Variants in NRG3 observed in about 807,000 individuals in gnomAD.
NRG3 encodes neuregulin 3, also known as pro-neuregulin-3, membrane-bound isoform.
In NRG3, 31 loss-of-function variants were observed where a neutral mutation model predicts 66.9. The observed-to-expected ratio is 0.46, with a 90% CI of 0.35 to 0.63. NRG3 has a LOEUF of 0.63. Ranked by LOEUF, NRG3 falls within the 20% of genes least tolerant of loss-of-function variation. The pLI is 0.00. For synonymous variants in NRG3, 393 were observed against 359.4 expected (o/e 1.09, Z -1.06); for missense variants, 910 against 878.9 (o/e 1.04, Z -0.45).
At chr10:82,399,528 T>G (rs1006807200) in intron 2 of NRG3, among the ~76,000 whole-genome samples, 1 of 152,186 alleles carries the variant, frequency 6.6e-6, no homozygotes, top group African/African-American at 2.4e-5. Flanking sequence ...ATCCCTGAGA[T>G]CAGGGTGCCT....
chr10:81,895,138 T>C (rs1257688655), intron 1 of NRG3, among the ~76,000 whole-genome samples: 2 of 152,122 alleles, frequency 1.3e-5, no homozygotes, highest in Non-Finnish European at 2.9e-5. Flanking sequence ...GGGCTACACA[T>C]GCCTTTCCCT....
chr10:82,679,347 C>A (rs903322483), intron 2 of NRG3, among the ~76,000 whole-genome samples: 2 of 152,002 alleles, frequency 1.3e-5, no homozygotes, highest in African/African-American at 4.8e-5. Flanking sequence ...AAATTCCATA[C>A]AAAAAACAAG....
chr10:82,420,899 T>A (rs945228281), intron 2 of NRG3, among the ~76,000 whole-genome samples: 1 of 152,152 alleles, frequency 6.6e-6, no homozygotes, highest in Non-Finnish European at 1.5e-5. Context: ...TGTAGCTAGA[T>A]TAAATACTTT....
intron 1 of NRG3, among the ~76,000 whole-genome samples, chr10:81,996,516 A>G (rs980147206): frequency 1.9e-4 from 29 of 152,150 alleles, no homozygotes; most frequent in African/African-American, 6.3e-4. Context: ...CTAGTATAAG[A>G]TATTTACATA....
rs201919892 is a variant in NRG3, at chr10:82,920,875, TA to T, written c.1055-30588del. Among the ~76,000 whole-genome samples the T allele has an allele frequency of 5.1e-3, 769 of 152,194 alleles. 6 individuals carry two copies. Among genetic ancestry groups the T allele is most frequent in the African/African-American group, 0.018 (728 of 41,520 alleles). ...GGAAATCCATGTGCATATGTTGGTA[TA>T]AAAAATGATTCCATAAGTAAATAAA... On this transcript the variant is annotated intron_variant, in intron 4 of 8. Coordinates refer to ENST00000372141, the MANE Select transcript of NRG3 (RefSeq NM_001010848.4).
intron 1 of NRG3, among the ~76,000 whole-genome samples, chr10:81,982,652 C>T (rs968241067): frequency 3.9e-5 from 6 of 152,198 alleles, no homozygotes; most frequent in African/African-American, 7.2e-5. Context: ...TCTGTTCCCA[C>T]GTGATCTTTC....
At position 82,491,313 on chromosome 10, in the gene NRG3, T is replaced by A. The variant is rs9702343; in HGVS notation, c.953+132445T>A. ...CATAAAATATATATATATATATATATATAAAATAAAGATGCATCGCTTTCT... is the reference window on the plus strand; with the variant it reads ...CATAAAATATATATATATATATATAAATAAAATAAAGATGCATCGCTTTCT... On this transcript the variant is annotated intron_variant, in intron 2 of 8. Coordinates refer to ENST00000372141, the MANE Select transcript of NRG3 (RefSeq NM_001010848.4). 2.2e-4 allele frequency among the ~76,000 whole-genome samples: 11 copies of A among 50,166 alleles called. 2 individuals are homozygous for A. Among genetic ancestry groups the A allele is most frequent in the Non-Finnish European group, 2.3e-4 (3 of 12,812 alleles). 32.9% of individuals were successfully genotyped at this position (50,166 alleles called of 152,430 possible).
chr10:82,029,222 G>A (rs891266949), intron 1 of NRG3, among the ~76,000 whole-genome samples: 2 of 151,868 alleles, frequency 1.3e-5, no homozygotes, highest in African/African-American at 4.8e-5. Flanking sequence ...ATAAAAAAAA[G>A]AATCAAATAA....
At chr10:82,257,706 G>T (rs1384704475) in intron 1 of NRG3, among the ~76,000 whole-genome samples, 1 of 152,098 alleles carries the variant, frequency 6.6e-6, no homozygotes, top group Non-Finnish European at 1.5e-5. Flanking sequence ...GACGAAGGTT[G>T]CAGTGAGCCA....
intron 2 of NRG3, among the ~76,000 whole-genome samples, chr10:82,492,181 G>T (rs754140719): frequency 1.3e-5 from 2 of 152,094 alleles, no homozygotes; most frequent in Non-Finnish European, 2.9e-5. Context: ...ATTTCCAATT[G>T]CTCATGGAGC....
At chr10:82,487,627 A>G (rs1415149259) in intron 2 of NRG3, among the ~76,000 whole-genome samples, 2 of 152,218 alleles carry the variant, frequency 1.3e-5, no homozygotes, top group Non-Finnish European at 2.9e-5. Context: ...GGGATTATTT[A>G]GAAATGACCA....
At chr10:82,505,563 C>T (rs530194880) in intron 2 of NRG3, among the ~76,000 whole-genome samples, 17 of 152,150 alleles carry the variant, frequency 1.1e-4, no homozygotes, top group South Asian at 2.1e-4. Context: ...TAGCTGTTGA[C>T]GTTTGTGTAA....
intron 1 of NRG3, among the ~76,000 whole-genome samples, chr10:82,066,268 A>C (rs958001062): frequency 2.0e-5 from 3 of 152,154 alleles, no homozygotes; most frequent in Non-Finnish European, 4.4e-5. Flanking sequence ...TAATTGATGA[A>C]GAATGTAAAT....
chr10:82,116,349 G>A (rs1045574997), intron 1 of NRG3, among the ~76,000 whole-genome samples: 1 of 152,072 alleles, frequency 6.6e-6, no homozygotes, highest in African/African-American at 2.4e-5. Context: ...TTCTTAAACA[G>A]CGCTCTGGTT....
chr10:82,406,627 A>G (rs1211128707), intron 2 of NRG3, among the ~76,000 whole-genome samples: 5 of 152,186 alleles, frequency 3.3e-5, no homozygotes, highest in Admixed American at 2.0e-4. Flanking sequence ...CGATTGCCCA[A>G]TTTACAGACA....
At chr10:82,510,750 C>T (rs1845093534) in intron 2 of NRG3, among the ~76,000 whole-genome samples, 1 of 152,180 alleles carries the variant, frequency 6.6e-6, no homozygotes, top group South Asian at 2.1e-4. Context: ...CTTTCTGCTA[C>T]TTCCCTTTCA....
intron 2 of NRG3, among the ~76,000 whole-genome samples, chr10:82,403,693 T>A (rs569179266): frequency 6.6e-6 from 1 of 152,110 alleles, no homozygotes; most frequent in Non-Finnish European, 1.5e-5. Flanking sequence ...TGAAAACACT[T>A]AAGAGGGTGC....
chr10:81,966,303 A>C lies in NRG3; in HGVS notation c.823+90140A>C, dbSNP rs978933769. ...AAATTTATTTTTATATAAATGTAATATGTGTATATATATAAAATATGATAT... is the reference window on the plus strand; with the variant it reads ...AAATTTATTTTTATATAAATGTAATCTGTGTATATATATAAAATATGATAT... On this transcript the variant is annotated intron_variant, in intron 1 of 8. Transcript: ENST00000372141. Among the ~76,000 whole-genome samples the C allele has an allele frequency of 3.3e-5, 5 of 150,370 alleles. No individual in the cohort carries two copies. In the South Asian group the frequency reaches 6.2e-4, roughly 19 times the overall value.
intron 3 of NRG3, among the ~76,000 whole-genome samples, chr10:82,819,528 A>T (rs1320770282): frequency 6.6e-6 from 1 of 152,194 alleles, no homozygotes; most frequent in Non-Finnish European, 1.5e-5. Context: ...TGTCACCCTA[A>T]ATGTAACATG....
Sources: allele counts gnomAD v4.1 joint callset (sites outside exome capture counted in the v4.1 genomes callset), GRCh38; gene constraint gnomAD v4.1.1; transcripts MANE v1.5; gene names NCBI Gene and HGNC (gene_info 2026-07-23, HGNC 2026-07-21).